The following RBFOX1 variants were observed in gnomAD, a reference collection of about 807,000 sequenced individuals.
RBFOX1 encodes RNA binding fox-1 homolog 1, also known as RNA binding protein fox-1 homolog 1.
A neutral mutation model predicts 57.7 loss-of-function variants in RBFOX1; 8 were observed. The observed-to-expected ratio is 0.14, with a 90% CI of 0.08 to 0.25. The LOEUF is 0.25. RBFOX1 is among the 10% of genes least tolerant of loss of function. RBFOX1 has a pLI of 1.00. For missense variants in RBFOX1, 611 were observed against 548.5 expected, an observed-to-expected ratio of 1.11 and a Z score of -1.14; for synonymous variants, 326 against 222.4, an observed-to-expected ratio of 1.47 and a Z score of -4.15.
At chr16:6,542,483 C>CTTTTGTTTTTTTTTTTT (rs2096835100) in intron 2 of RBFOX1, among the ~76,000 whole-genome samples, 1 of 55,718 alleles carries the variant, frequency 1.8e-5, no homozygotes, top group Non-Finnish European at 3.0e-5. Context: ...GGACCATAGT[C>CTTTTGTTTTTTTTTTTT]TTTTTTTTTT....
chr16:7,587,693 T>C (rs968227794), intron 7 of RBFOX1, among the ~76,000 whole-genome samples: 2 of 152,234 alleles, frequency 1.3e-5, no homozygotes, highest in African/African-American at 4.8e-5. Context: ...TCCTGGGTTG[T>C]AGGGGAGAAA....
chr16:6,693,051 C>G (rs1356430696), intron 3 of RBFOX1, among the ~76,000 whole-genome samples: 1 of 151,614 alleles, frequency 6.6e-6, no homozygotes, highest in Non-Finnish European at 1.5e-5. Flanking sequence ...ACCATCACCA[C>G]CATCATTATC....
intron 1 of RBFOX1, among the ~76,000 whole-genome samples, chr16:5,394,778 G>A (rs887841124): frequency 1.4e-4 from 22 of 151,960 alleles, no homozygotes; most frequent in African/African-American, 3.9e-4. Context: ...TGAACTCCCG[G>A]TCTCACGCAG....
chr16:7,279,466 C>G (rs1014316593), intron 4 of RBFOX1, among the ~76,000 whole-genome samples: 15 of 152,236 alleles, frequency 9.9e-5, no homozygotes, highest in African/African-American at 3.1e-4. Flanking sequence ...CCTCACCACA[C>G]TCAGGCCTGA....
intron 3 of RBFOX1, among the ~76,000 whole-genome samples, chr16:6,933,316 C>G (rs1363109228): frequency 2.6e-5 from 4 of 152,206 alleles, no homozygotes; most frequent in East Asian, 3.8e-4. Flanking sequence ...AACCGACATA[C>G]TCTTTTCCGT....
intron 4 of RBFOX1, among the ~76,000 whole-genome samples, chr16:5,969,447 G>C (rs2059918730): frequency 6.7e-6 from 1 of 149,464 alleles, no homozygotes; most frequent in East Asian, 2.0e-4. Context: ...AAGTAGCTGG[G>C]ATTACAGGCA....
chr16:6,841,545 C>G (rs1426277579), intron 3 of RBFOX1, among the ~76,000 whole-genome samples: 7 of 152,238 alleles, frequency 4.6e-5, no homozygotes, highest in Non-Finnish European at 7.4e-5. Context: ...GCTAATGAGG[C>G]GAGTATTACC....
chr16:6,913,301 G>A (rs1235263276), intron 3 of RBFOX1, among the ~76,000 whole-genome samples: 1 of 152,092 alleles, frequency 6.6e-6, no homozygotes, highest in Non-Finnish European at 1.5e-5. Context: ...CCTGTGTCAT[G>A]CTGTTCAAAA....
intron 3 of RBFOX1, among the ~76,000 whole-genome samples, chr16:5,846,292 A>G (rs1212087304): frequency 6.6e-6 from 1 of 152,068 alleles, no homozygotes; most frequent in East Asian, 1.9e-4. Context: ...GAGAGTGGAG[A>G]AAAGGAGGAG....
intron 2 of RBFOX1, among the ~76,000 whole-genome samples, chr16:5,526,188 T>A (rs2044237974): frequency 6.6e-6 from 1 of 152,174 alleles, no homozygotes; most frequent in Admixed American, 6.5e-5. Context: ...TTAATTTCAT[T>A]GTTATCCTTG....
chr16:6,802,192 C>T (rs1018487897), intron 3 of RBFOX1, among the ~76,000 whole-genome samples: 3 of 152,082 alleles, frequency 2.0e-5, no homozygotes, highest in Non-Finnish European at 2.9e-5. Context: ...GCATCCCAGC[C>T]TTTGTAGATG....
At chr16:7,131,163 G>T (rs764708764) in intron 4 of RBFOX1, among the ~76,000 whole-genome samples, 1 of 151,894 alleles carries the variant, frequency 6.6e-6, no homozygotes, top group Non-Finnish European at 1.5e-5. Flanking sequence ...TGGTCAACAT[G>T]GTGAAACCAC....
At chr16:7,538,453 C>A (rs929216462) in intron 5 of RBFOX1, among the ~76,000 whole-genome samples, 1 of 151,992 alleles carries the variant, frequency 6.6e-6, no homozygotes. Flanking sequence ...TATAGTGTTG[C>A]TGTTATTTTA....
At chr16:6,519,478 A>T (rs1408928886) in intron 2 of RBFOX1, among the ~76,000 whole-genome samples, 1 of 152,092 alleles carries the variant, frequency 6.6e-6, no homozygotes, top group African/African-American at 2.4e-5. Context: ...ACTCAGGAAG[A>T]TCACCTGAGG....
chr16:6,916,128 C>A (rs1293875879), intron 3 of RBFOX1, among the ~76,000 whole-genome samples: 3 of 152,154 alleles, frequency 2.0e-5, no homozygotes, highest in African/African-American at 4.8e-5. Flanking sequence ...CAACTGAAGG[C>A]AACCCTCCAG....
chr16:6,630,688 G>A (rs1461761530), intron 2 of RBFOX1, among the ~76,000 whole-genome samples: 1 of 152,152 alleles, frequency 6.6e-6, no homozygotes, highest in Admixed American at 6.5e-5. Flanking sequence ...TTTCTGTTAA[G>A]TATCTCCATG....
chr16:7,510,176 C>A lies in RBFOX1; in HGVS notation c.28-7971C>A, dbSNP rs2074626401. 3.0e-6 allele frequency: 3 copies of A among 985,762 alleles called. No individual in the cohort carries two copies. In the South Asian group the frequency reaches 1.4e-4, roughly 46 times the overall value. 61.1% of individuals were successfully genotyped at this position (985,762 alleles called of 1,614,324 possible). On this transcript the variant is annotated intron_variant, in intron 4 of 15. Transcript: ENST00000550418. ...CCTCAGCCCCCCACCTTCCTCAACA[C>A]CCCGATCATCCACACATTGCACAGC...
At chr16:7,703,662 G>C (rs772319722) in intron 14 of RBFOX1, among the ~76,000 whole-genome samples, 8 of 152,162 alleles carry the variant, frequency 5.3e-5, no homozygotes, top group Non-Finnish European at 1.0e-4. Flanking sequence ...TTTCAAGTAG[G>C]TGTACATAGT....
At position 7,355,694 on chromosome 16, in the gene RBFOX1, A is replaced by G. The variant is rs1018370042; in HGVS notation, c.28-162453A>G. Among the ~76,000 whole-genome samples, 9 of 152,196 alleles carry G rather than the reference A, an allele frequency of 5.9e-5. No homozygotes were observed. The East Asian group carries it at 1.2e-3, about 20-fold the overall frequency. ...TCTATAAACAGTAATACCATGATTT[A>G]TTTGCCCTTCAGCAAATGGCTTTGC... On this transcript the variant is annotated intron_variant, in intron 4 of 15. Coordinates refer to ENST00000550418, the MANE Select transcript of RBFOX1 (RefSeq NM_018723.4).
Sources: gnomAD v4.1 joint callset for allele counts (sites outside exome capture counted in the v4.1 genomes callset) on GRCh38, gnomAD v4.1.1 for gene constraint, MANE v1.5 for transcripts, NCBI Gene and HGNC (gene_info 2026-07-23, HGNC 2026-07-21) for gene names.